The following BCKDHB variants were observed in gnomAD, a reference collection of about 807,000 sequenced individuals.
The protein encoded by BCKDHB is 2-oxoisovalerate dehydrogenase subunit beta, mitochondrial.
Under a neutral mutation model 48.5 loss-of-function variants are expected in BCKDHB, and 41 were observed. That is an observed-to-expected ratio of 0.85 (90% CI 0.66 to 1.10). The LOEUF is 1.10. BCKDHB is among the 50% of genes least tolerant of loss of function. The pLI is 0.00. For synonymous variants in BCKDHB, 201 were observed against 174.8 expected, an observed-to-expected ratio of 1.15 and a Z score of -1.18; for missense variants, 496 against 494.2, an observed-to-expected ratio of 1.00 and a Z score of -0.03.
intron 8 of BCKDHB, among the ~76,000 whole-genome samples, chr6:80,237,066 T>C (rs1289865191): frequency 1.3e-5 from 2 of 152,214 alleles, no homozygotes; most frequent in Non-Finnish European, 2.9e-5. Flanking sequence ...GAGAATTTTA[T>C]AAGGGAACTG....
intron 9 of BCKDHB, among the ~76,000 whole-genome samples, chr6:80,324,209 C>T (rs1768910704): frequency 6.6e-6 from 1 of 152,272 alleles, no homozygotes; most frequent in Middle Eastern, 3.4e-3. Flanking sequence ...GTTCTCAGTC[C>T]TGGTTATCCA....
intron 3 of BCKDHB, among the ~76,000 whole-genome samples, chr6:80,164,818 C>A (rs575123109): frequency 6.6e-6 from 1 of 152,210 alleles, no homozygotes; most frequent in Non-Finnish European, 1.5e-5. Flanking sequence ...AGGACACTTA[C>A]AGGGTACTAC....
rs113522819 is a variant in BCKDHB at position 80,134,120 on chromosome 6, A to G, written c.343+4891A>G. Among the ~76,000 whole-genome samples, 53 of 152,266 alleles carry G rather than the reference A, an allele frequency of 3.5e-4. No individual in the cohort carries two copies. The East Asian group carries it at 6.8e-3, about 19-fold the overall frequency. On this transcript the variant is annotated intron_variant, in intron 3 of 9. Transcript: ENST00000320393. ...TAAGGTATGTTTGTAACATTATTCT[A>G]TACTGATATAACTTGCCTGGTTGTG...
At chr6:80,324,042 G>T (rs576357426) in intron 9 of BCKDHB, among the ~76,000 whole-genome samples, 96 of 152,266 alleles carry the variant, frequency 6.3e-4, no homozygotes, top group Non-Finnish European at 1.1e-3. Flanking sequence ...AAAGTGCTGG[G>T]ATTACAGGCG....
chr6:80,299,339 G>A (rs116419539), intron 9 of BCKDHB, among the ~76,000 whole-genome samples: 2,117 of 152,160 alleles, frequency 0.014, 69 homozygotes, highest in African/African-American at 0.048. Flanking sequence ...CCTCAATATG[G>A]TCCCTTCTGT....
At chr6:80,167,278 G>A (rs776661685) in intron 3 of BCKDHB, among the ~76,000 whole-genome samples, 1 of 151,142 alleles carries the variant, frequency 6.6e-6, no homozygotes, top group South Asian at 2.1e-4. Context: ...TCTGTCTTTA[G>A]AGTTTGTGTT....
chr6:80,457,285 CTT>C, the BCKDHB span, among the ~76,000 whole-genome samples: 5 of 152,182 alleles, frequency 3.3e-5, no homozygotes, highest in African/African-American at 4.8e-5. Flanking sequence ...GCCTTTCAGA[CTT>C]ATGCTTTCTT....
At chr6:80,384,350 T>TCTTCTTC in the BCKDHB span, among the ~76,000 whole-genome samples, 1 of 85,290 alleles carries the variant, frequency 1.2e-5, no homozygotes, top group East Asian at 2.4e-4. Context: ...TTCTTCTTCT[T>TCTTCTTC]TTTTTTTTTT....
chr6:80,167,606 A>C, intron 3 of BCKDHB, 72 bp from the exon 4 acceptor site: 1 of 1,447,818 alleles, frequency 6.9e-7, no homozygotes, highest in Non-Finnish European at 9.7e-7. Flanking sequence ...TAGTTTACTG[A>C]ATTTTTAAAT....
chr6:80,460,108 T>A, the BCKDHB span, among the ~76,000 whole-genome samples: 1 of 152,124 alleles, frequency 6.6e-6, no homozygotes, highest in African/African-American at 2.4e-5. Flanking sequence ...TTACTAAATA[T>A]ACATTTTTAA....
At chr6:80,249,050 T>C (rs1053680798) in intron 8 of BCKDHB, among the ~76,000 whole-genome samples, 1 of 151,792 alleles carries the variant, frequency 6.6e-6, no homozygotes, top group Non-Finnish European at 1.5e-5. Flanking sequence ...AACCATAGGC[T>C]GGAACTTCTT....
chr6:80,148,902 G>A (rs1771619194), intron 3 of BCKDHB, among the ~76,000 whole-genome samples: 1 of 152,136 alleles, frequency 6.6e-6, no homozygotes, highest in African/African-American at 2.4e-5. Flanking sequence ...TCAGGACATA[G>A]GCATGGACAA....
chr6:80,134,909 G>A (rs1321746951), intron 3 of BCKDHB, among the ~76,000 whole-genome samples: 7 of 151,870 alleles, frequency 4.6e-5, no homozygotes, highest in Non-Finnish European at 1.0e-4. Flanking sequence ...ACACCACTAT[G>A]CCTGGCTGAT....
chr6:80,451,413 G>T, the BCKDHB span, among the ~76,000 whole-genome samples: 5 of 152,160 alleles, frequency 3.3e-5, no homozygotes, highest in South Asian at 1.0e-3. Context: ...CTCTTCTTGA[G>T]GTCCCAAAAT....
intron 9 of BCKDHB, among the ~76,000 whole-genome samples, chr6:80,339,515 A>G (rs1225780704): frequency 6.6e-6 from 1 of 152,188 alleles, no homozygotes; most frequent in East Asian, 1.9e-4. Context: ...TTGTTATTTC[A>G]CATTGTTTGC....
chr6:80,277,562 A>AT (rs1355500453), intron 9 of BCKDHB, among the ~76,000 whole-genome samples: 19 of 151,878 alleles, frequency 1.3e-4, no homozygotes, highest in Admixed American at 1.2e-3. Flanking sequence ...TTGTGTGATA[A>AT]TTTTTTTTAA....
At chr6:80,248,928 G>A (rs913645414) in intron 8 of BCKDHB, among the ~76,000 whole-genome samples, 11 of 130,950 alleles carry the variant, frequency 8.4e-5, no homozygotes, top group Non-Finnish European at 1.2e-4. Context: ...GTGTGTGTGT[G>A]TATGTGTATT....
the BCKDHB span, among the ~76,000 whole-genome samples, chr6:80,448,809 G>T: frequency 6.6e-6 from 1 of 152,086 alleles, no homozygotes; most frequent in African/African-American, 2.4e-5. Context: ...AAAATACACA[G>T]GGCTGAAAAA....
At chr6:80,227,176 A>C (rs568351782) in intron 8 of BCKDHB, among the ~76,000 whole-genome samples, 1 of 152,214 alleles carries the variant, frequency 6.6e-6, no homozygotes, top group African/African-American at 2.4e-5. Flanking sequence ...CAGATTGTCT[A>C]TATTAAATAA....
Sources: allele counts gnomAD v4.1 joint callset (sites outside exome capture counted in the v4.1 genomes callset), GRCh38; gene constraint gnomAD v4.1.1; transcripts MANE v1.5; gene names NCBI Gene and HGNC (gene_info 2026-07-23, HGNC 2026-07-21).